The following SYNE1 variants were observed in gnomAD, a reference collection of about 807,000 sequenced individuals.
SYNE1 encodes spectrin repeat containing nuclear envelope protein 1.
A neutral mutation model predicts 1,111.0 loss-of-function variants in SYNE1; 616 were observed. The ratio of observed to expected loss-of-function variants is 0.55; its 90% CI spans 0.52 to 0.59. The LOEUF (loss-of-function observed/expected upper bound fraction) is 0.59. Among genes scored for constraint, SYNE1 ranks in the 20% least tolerant of loss-of-function variants. The pLI is 0.00. For synonymous variants in SYNE1, 3,855 were observed against 3,825.8 expected (o/e 1.01, Z -0.28); for missense variants, 10,006 against 10,417.0 (o/e 0.96, Z 1.72).
At chr6:152,234,313 G>A (rs35194179) in intron 111 of SYNE1, among the ~76,000 whole-genome samples, 85,039 of 151,234 alleles carry the variant, frequency 0.56, 24,528 homozygotes, top group East Asian at 0.85. Context: ...TTTCTTTTTA[G>A]ATGGAGTCGC....
chr6:152,530,601 C>G (rs2154358059), intron 4 of SYNE1, among the ~76,000 whole-genome samples: 1 of 150,858 alleles, frequency 6.6e-6, no homozygotes, highest in African/African-American at 2.4e-5. Context: ...AAATTGCACA[C>G]TGTTCTGCAT....
chr6:152,532,529 A>G (rs779991686), intron 4 of SYNE1, among the ~76,000 whole-genome samples: 1 of 152,220 alleles, frequency 6.6e-6, no homozygotes, highest in Admixed American at 6.5e-5. Context: ...TGCCACAGTT[A>G]AGTATTTACT....
intron 78 of SYNE1, among the ~76,000 whole-genome samples, chr6:152,327,841 C>G (rs1234259700): frequency 6.6e-6 from 1 of 152,152 alleles, no homozygotes; most frequent in Admixed American, 6.5e-5. Context: ...ATTCTAGATT[C>G]TATATCTCTA....
intron 93 of SYNE1, among the ~76,000 whole-genome samples, chr6:152,298,562 C>A (rs932410821): frequency 6.9e-6 from 1 of 145,948 alleles, no homozygotes; most frequent in African/African-American, 2.5e-5. Context: ...GGCACAAAAC[C>A]TTTTTTTTTT....
At chr6:152,317,030 G>A in intron 86 of SYNE1, 44 bp from the exon 87 acceptor site, 1 of 1,609,676 alleles carries the variant, frequency 6.2e-7, no homozygotes, top group Non-Finnish European at 8.5e-7. Context: ...AAACTCCTCA[G>A]TTTCTTGAGC....
At chr6:152,292,872 C>T (rs2094677700) in intron 95 of SYNE1, among the ~76,000 whole-genome samples, 1 of 152,216 alleles carries the variant, frequency 6.6e-6, no homozygotes, top group African/African-American at 2.4e-5. Context: ...ATGTGTGCCT[C>T]AGTATCCTTA....
intron 14 of SYNE1, among the ~76,000 whole-genome samples, chr6:152,474,913 A>G (rs930148646): frequency 1.3e-5 from 2 of 152,216 alleles, no homozygotes; most frequent in Admixed American, 1.3e-4. Flanking sequence ...ACTTATAAAT[A>G]GCAAGAAAGT....
chr6:152,202,529 T>C (rs115318821), intron 126 of SYNE1, among the ~76,000 whole-genome samples: 148 of 152,214 alleles, frequency 9.7e-4, no homozygotes, highest in African/African-American at 3.5e-3. Context: ...TAATGCTCTA[T>C]GTTTCCATTT....
chr6:152,589,499 C>T (rs527470786), intron 3 of SYNE1, among the ~76,000 whole-genome samples: 15 of 151,882 alleles, frequency 9.9e-5, no homozygotes, highest in Non-Finnish European at 1.8e-4. Flanking sequence ...GGATCTAAAC[C>T]GGTAGAAGTG....
At chr6:152,596,470 G>T (rs1352140927) in intron 3 of SYNE1, among the ~76,000 whole-genome samples, 2 of 152,028 alleles carry the variant, frequency 1.3e-5, no homozygotes, top group African/African-American at 2.4e-5. Flanking sequence ...TGGCCATGCT[G>T]GTCTTGAACT....
At chr6:152,522,730 T>G (rs1314797626) in intron 5 of SYNE1, among the ~76,000 whole-genome samples, 1 of 152,182 alleles carries the variant, frequency 6.6e-6, no homozygotes, top group African/African-American at 2.4e-5. Context: ...GTTTTTTGAC[T>G]TTTTAATAAT....
intron 70 of SYNE1, 111 bp downstream of exon 70, chr6:152,351,916 G>A (rs2154038129): frequency 1.0e-6 from 1 of 965,402 alleles, no homozygotes. Context: ...ACGGACACAT[G>A]CGGGATGCAT....
intron 3 of SYNE1, among the ~76,000 whole-genome samples, chr6:152,569,351 T>C (rs2099432349): frequency 6.6e-6 from 1 of 152,208 alleles, no homozygotes; most frequent in Non-Finnish European, 1.5e-5. Flanking sequence ...TAGATTCTCC[T>C]TTCAGTTTCC....
chr6:152,520,542 G>T lies in SYNE1; in HGVS notation c.226C>A (p.Pro76Thr), dbSNP rs775028308. Residue 76 changes from proline to threonine, a missense_variant and splice_region_variant, in exon 6 of 146, where the codon CCT (proline) becomes ACT (threonine). Pro to Thr is a conservative substitution (Grantham distance 38). This residue lies in a region of SYNE1 where 1,971 missense variants were observed against 2,084.1 expected (regional missense o/e 0.95). Coordinates refer to ENST00000367255, the MANE Select transcript of SYNE1 (RefSeq NM_182961.4). ...TTCATCCGGCGTCCTTGTTCACAAGGCTGTAAAAAGTGGGGTAAAAAAGGG... is the reference window on the plus strand; with the variant it reads ...TTCATCCGGCGTCCTTGTTCACAAGTCTGTAAAAAGTGGGGTAAAAAAGGG... ...LLEVLSGQKL[P>T]CEQGRRMKRI... is the part of the protein sequence containing the mutation. The T allele has an allele frequency of 1.2e-6, 2 of 1,613,444 alleles. No individual in the cohort carries two copies. Among genetic ancestry groups the T allele is most frequent in the African/African-American group, 1.3e-5 (1 of 74,860 alleles).
intron 106 of SYNE1, 43 bp from the exon 107 acceptor site, chr6:152,242,483 T>C (rs763663616): frequency 6.3e-5 from 102 of 1,608,296 alleles, no homozygotes; most frequent in Middle Eastern, 5.0e-4. Context: ...ATTCATATTC[T>C]GGCAACCCTC....
Position 152,201,955 on chromosome 6 carries a change from A to G in SYNE1, c.23020-6T>C. The G allele has an allele frequency of 6.2e-7, 1 of 1,613,824 alleles. No homozygotes were observed. Among genetic ancestry groups the G allele is most frequent in the Non-Finnish European group, 8.5e-7 (1 of 1,179,848 alleles). Reference sequence around the variant, plus strand: ...TTCTCACATTTTTCCCAGTCCTATCATGGGAATAAAAACAAATAGCATAGA... The same window carrying G: ...TTCTCACATTTTTCCCAGTCCTATCGTGGGAATAAAAACAAATAGCATAGA... On this transcript the variant is annotated splice_region_variant and splice_polypyrimidine_tract_variant and intron_variant, in intron 126 of 145. Coordinates refer to ENST00000367255, the MANE Select transcript of SYNE1 (RefSeq NM_182961.4).
At chr6:152,402,621 A>G (rs1484815316) in intron 46 of SYNE1, 1 of 152,206 alleles carries the variant, frequency 6.6e-6, no homozygotes, top group African/African-American at 2.4e-5. Flanking sequence ...GCAGGGGACA[A>G]ATATCCTGTT....
intron 129 of SYNE1, among the ~76,000 whole-genome samples, chr6:152,177,953 C>T (rs1479697747): frequency 2.6e-5 from 4 of 151,768 alleles, no homozygotes; most frequent in African/African-American, 9.7e-5. Flanking sequence ...TTGACAACTG[C>T]CTTTTTCTAT....
chr6:152,415,999 A>C (rs1224050822), intron 41 of SYNE1, among the ~76,000 whole-genome samples: 1 of 152,132 alleles, frequency 6.6e-6, no homozygotes, highest in African/African-American at 2.4e-5. Flanking sequence ...GGGCTTCAAC[A>C]CTTAAAGGGG....
Sources: allele counts gnomAD v4.1 joint callset (sites outside exome capture counted in the v4.1 genomes callset), GRCh38; gene constraint gnomAD v4.1.1; regional missense constraint gnomAD v4.1.1; transcripts MANE v1.5; gene names NCBI Gene and HGNC (gene_info 2026-07-23, HGNC 2026-07-21).